The following CPA6 variants were observed in gnomAD, a reference collection of about 807,000 sequenced individuals.
CPA6 encodes the protein carboxypeptidase B.
In CPA6, 58 loss-of-function variants were observed where a neutral mutation model predicts 63.3. The observed-to-expected ratio is 0.92, with a 90% CI of 0.74 to 1.14. The LOEUF is 1.14. Ranked by LOEUF, CPA6 falls within the 50% of genes most tolerant of loss-of-function variation. The pLI is 0.00. For synonymous variants in CPA6, 185 were observed against 179.0 expected (o/e 1.03, Z -0.27); for missense variants, 565 against 526.6 (o/e 1.07, Z -0.71).
At chr8:67,484,560 A>T in intron 7 of CPA6, 119 bp downstream of exon 7, 1 of 548,640 alleles carries the variant, frequency 1.8e-6, no homozygotes, top group Non-Finnish European at 3.3e-6. Flanking sequence ...CCTCTTTTGC[A>T]TCTCTGGAAT....
At chr8:67,544,999 A>G (rs1388479309) in intron 2 of CPA6, among the ~76,000 whole-genome samples, 1 of 152,200 alleles carries the variant, frequency 6.6e-6, no homozygotes, top group Non-Finnish European at 1.5e-5. Flanking sequence ...TTTATCAACA[A>G]GAAAGACTTT....
intron 1 of CPA6, among the ~76,000 whole-genome samples, chr8:67,658,573 C>G (rs1055173544): frequency 1.3e-5 from 2 of 152,082 alleles, no homozygotes; most frequent in African/African-American, 4.8e-5. Context: ...ATGTTGATAA[C>G]ACCCCATCAT....
rs139331919 is a variant in CPA6 at position 67,486,065 on chromosome 8, T to C, written c.637-1276A>G. 9.3e-3 allele frequency among the ~76,000 whole-genome samples: 1,423 copies of C among 152,356 alleles called. 12 individuals carry two copies. Among genetic ancestry groups the C allele is most frequent in the Middle Eastern group, 0.017 (5 of 294 alleles). On this transcript the variant is annotated intron_variant, in intron 6 of 10. Coordinates refer to ENST00000297770, the MANE Select transcript of CPA6 (RefSeq NM_020361.5). ...AGGTTCTGTTTTATACTTAGGTTGT[T>C]TTTGTCACTAATGTTTGTTGAATTT...
intron 2 of CPA6, chr8:67,570,022 C>G (rs1813445533): frequency 6.5e-6 from 1 of 153,190 alleles, no homozygotes; most frequent in African/African-American, 2.4e-5. Context: ...AAAGGCAGTT[C>G]AAGGCCTGAA....
chr8:67,479,844 C>G (rs542757931), intron 8 of CPA6, among the ~76,000 whole-genome samples: 1 of 152,256 alleles, frequency 6.6e-6, no homozygotes, highest in South Asian at 2.1e-4. Context: ...TTTTAGAAAG[C>G]AGGCCAGTGG....
At chr8:67,646,217 G>A (rs1815710534) in intron 1 of CPA6, among the ~76,000 whole-genome samples, 1 of 152,196 alleles carries the variant, frequency 6.6e-6, no homozygotes, top group Admixed American at 6.5e-5. Flanking sequence ...GTTTCTAGGA[G>A]TTCTCTACCA....
At chr8:67,515,832 T>G (rs1197381169) in intron 3 of CPA6, among the ~76,000 whole-genome samples, 1 of 152,058 alleles carries the variant, frequency 6.6e-6, no homozygotes, top group Non-Finnish European at 1.5e-5. Context: ...CCATAAACAT[T>G]CTACCCCCGG....
intron 2 of CPA6, among the ~76,000 whole-genome samples, chr8:67,621,450 T>C (rs2128986532): frequency 6.6e-6 from 1 of 152,126 alleles, no homozygotes; most frequent in East Asian, 1.9e-4. Context: ...TCCTCTCCAT[T>C]GTGAGGAAAA....
intron 1 of CPA6, among the ~76,000 whole-genome samples, chr8:67,665,663 C>G (rs1816210998): frequency 6.6e-6 from 1 of 152,158 alleles, no homozygotes; most frequent in Non-Finnish European, 1.5e-5. Context: ...TTTAATTGTA[C>G]CATTTCCTTT....
chr8:67,657,134 A>G lies in CPA6; in HGVS notation c.117-32883T>C, dbSNP rs1047032481. 2.0e-5 allele frequency among the ~76,000 whole-genome samples: 3 copies of G among 152,212 alleles called. No homozygotes were observed. The East Asian group carries it at 5.8e-4, about 29-fold the overall frequency. Reference sequence around the variant, plus strand: ...CAGAAGAGTATGGTTGCAAATCTCAACTAGGGTGAGGAAGATACAAACTGG... The same window carrying G: ...CAGAAGAGTATGGTTGCAAATCTCAGCTAGGGTGAGGAAGATACAAACTGG... On this transcript the variant is annotated intron_variant, in intron 1 of 10. Transcript: ENST00000297770.
At chr8:67,600,145 A>G (rs1417129957) in intron 2 of CPA6, among the ~76,000 whole-genome samples, 2 of 151,882 alleles carry the variant, frequency 1.3e-5, no homozygotes, top group African/African-American at 4.8e-5. Context: ...TTTAGCAGAC[A>G]CTTCTCAAAA....
intron 2 of CPA6, among the ~76,000 whole-genome samples, chr8:67,520,965 G>A (rs143369253): frequency 6.6e-6 from 1 of 152,212 alleles, no homozygotes; most frequent in African/African-American, 2.4e-5. Flanking sequence ...GGTATTTCAA[G>A]GTTCTAATCA....
chr8:67,481,572 C>T (rs1811362057), intron 8 of CPA6, among the ~76,000 whole-genome samples: 1 of 152,234 alleles, frequency 6.6e-6, no homozygotes, highest in African/African-American at 2.4e-5. Flanking sequence ...TCATGTTCTG[C>T]TCTTTAATTT....
At chr8:67,589,722 T>A (rs1430271663) in intron 2 of CPA6, among the ~76,000 whole-genome samples, 1 of 152,110 alleles carries the variant, frequency 6.6e-6, no homozygotes, top group African/African-American at 2.4e-5. Context: ...AAAAACCATG[T>A]AACCACACCT....
At chr8:67,475,703 C>G (rs1206201722) in intron 8 of CPA6, among the ~76,000 whole-genome samples, 1 of 151,466 alleles carries the variant, frequency 6.6e-6, no homozygotes, top group Non-Finnish European at 1.5e-5. Context: ...CTTTTCTTTC[C>G]TTTCCTTCCC....
intron 1 of CPA6, among the ~76,000 whole-genome samples, chr8:67,629,425 G>A (rs1006527350): frequency 6.8e-6 from 1 of 146,446 alleles, no homozygotes; most frequent in African/African-American, 2.6e-5. Flanking sequence ...AGGCTGCAGT[G>A]AGCTATGATC....
chr8:67,433,871 G>C (rs992910701), intron 9 of CPA6, among the ~76,000 whole-genome samples, 167 bp downstream of exon 9: 3 of 152,148 alleles, frequency 2.0e-5, no homozygotes, highest in Non-Finnish European at 4.4e-5. Flanking sequence ...GATAATAAAA[G>C]CTGCCTCATA....
chr8:67,656,590 G>A (rs1815990868), intron 1 of CPA6, among the ~76,000 whole-genome samples: 1 of 152,176 alleles, frequency 6.6e-6, no homozygotes, highest in African/African-American at 2.4e-5. Context: ...TCAAGTTCAT[G>A]TCATCAATGT....
chr8:67,632,361 T>G (rs1204532512), intron 1 of CPA6, among the ~76,000 whole-genome samples: 1 of 151,906 alleles, frequency 6.6e-6, no homozygotes, highest in East Asian at 1.9e-4. Flanking sequence ...TTTAAAGAAA[T>G]GGGGTCTTAC....
Sources: gnomAD v4.1 joint callset for allele counts (sites outside exome capture counted in the v4.1 genomes callset) on GRCh38, gnomAD v4.1.1 for gene constraint, MANE v1.5 for transcripts, NCBI Gene and HGNC (gene_info 2026-07-23, HGNC 2026-07-21) for gene names.